Variants in EP300 observed in about 807,000 individuals in gnomAD.
EP300 encodes the protein EP300 lysine acetyltransferase.
Under a neutral mutation model 264.0 loss-of-function variants are expected in EP300, and 31 were observed. That is an observed-to-expected ratio of 0.12 (90% CI 0.09 to 0.16). EP300 has a LOEUF of 0.16. Ranked by LOEUF, EP300 falls within the 10% of genes least tolerant of loss-of-function variation. The probability of loss-of-function intolerance (pLI) is 1.00; values close to 1 mark genes in which losing one functional copy is unlikely to be tolerated. For synonymous variants in EP300, 1,340 were observed against 1,045.4 expected, an observed-to-expected ratio of 1.28 and a Z score of -5.44; for missense variants, 2,766 against 3,052.9, an observed-to-expected ratio of 0.91 and a Z score of 2.21.
chr22:41,162,699 A>G (rs780219519), intron 20 of EP300, 24 bp from the exon 21 acceptor site: 57 of 1,590,484 alleles, frequency 3.6e-5, no homozygotes, highest in Non-Finnish European at 4.7e-5. Flanking sequence ...ACTTTTTCTC[A>G]TTGTGTCCCT....
At chr22:41,152,047 G>A (rs1224249388) in intron 15 of EP300, 35 bp downstream of exon 15, 1 of 1,612,790 alleles carries the variant, frequency 6.2e-7, no homozygotes, top group South Asian at 1.1e-5. Flanking sequence ...GATTTGGTTA[G>A]GACCTCAGTA....
chr22:41,158,544 TC>T, intron 19 of EP300, 44 bp downstream of exon 19: 1 of 1,521,872 alleles, frequency 6.6e-7, no homozygotes, highest in Non-Finnish European at 9.1e-7. Flanking sequence ...TGTCCACATG[TC>T]CAGGGAGTGC....
rs886956098 is a variant in EP300, at chr22:41,179,761, C to CAAAGT, written c.*809_*813dup. On this transcript the variant is annotated 3_prime_UTR_variant, in exon 31 of 31. Transcript: ENST00000263253. ...TTTTTTTCGTTATTTTTACATCTAACAAAGTAAAAAAATTAAAAAGAGGGT... is the reference window on the plus strand; with the variant it reads ...TTTTTTTCGTTATTTTTACATCTAACAAAGTAAAGTAAAAAAATTAAAAAGAGGGT... The CAAAGT allele has an allele frequency of 7.4e-5, 17 of 228,662 alleles. No homozygotes were observed. Among genetic ancestry groups the CAAAGT allele is most frequent in the Non-Finnish European group, 1.4e-4 (16 of 115,324 alleles). 14.2% of individuals were successfully genotyped at this position (228,662 alleles called of 1,614,324 possible). A position where few individuals can be genotyped will look rare whatever the true frequency, so the allele number is the denominator to read the frequency against.
rs1273519659 is a variant in EP300 at position 41,137,680 on chromosome 22, G to A, written c.1650G>A (p.Val550=). 1 of 1,614,142 alleles carries A rather than the reference G, an allele frequency of 6.2e-7. No homozygotes were observed. Among genetic ancestry groups the A allele is most frequent in the South Asian group, 1.1e-5 (1 of 91,080 alleles). The change falls in exon 8 of 31, where the codon GTG becomes GTA. Residue 550 remains valine (V), a synonymous_variant. Coordinates refer to ENST00000263253, the MANE Select transcript of EP300 (RefSeq NM_001429.4). The part of the protein sequence containing the change: ...QNPMMSENAS[V]PSLGPMPTAA... ...CAATGATGAGTGAAAATGCCAGTGT[G>A]CCCTCCCTGGGTCCTATGCCAACAG...
At chr22:41,127,236 G>A (rs1485996847) in intron 3 of EP300, among the ~76,000 whole-genome samples, 2 of 151,900 alleles carry the variant, frequency 1.3e-5, no homozygotes, top group Non-Finnish European at 2.9e-5. Context: ...AGTTTACCAT[G>A]TCCTTCTCTC....
chr22:41,176,539 G>A lies in EP300; in HGVS notation c.5061+11G>A, dbSNP rs1345227904. 3 of 1,613,486 alleles carry A rather than the reference G, an allele frequency of 1.9e-6. No homozygotes were observed. The highest frequency in any genetic ancestry group is 2.5e-6 in the Non-Finnish European group (3 of 1,179,986). ...TGTACTGTCTGTGAGGTAGGCACCGGGTTGTGGGAAGGAGGAGGTGAGCTC... is the reference window on the plus strand; with the variant it reads ...TGTACTGTCTGTGAGGTAGGCACCGAGTTGTGGGAAGGAGGAGGTGAGCTC... On this transcript the variant is annotated intron_variant, in intron 30 of 30. Coordinates refer to ENST00000263253, the MANE Select transcript of EP300 (RefSeq NM_001429.4).
chr22:41,133,166 C>T (rs1488684776), intron 6 of EP300, among the ~76,000 whole-genome samples: 1 of 136,886 alleles, frequency 7.3e-6, no homozygotes, highest in Non-Finnish European at 1.6e-5. Context: ...CCCCCCCACC[C>T]CCACCCCGGA....
At position 41,141,034 on chromosome 22, in the gene EP300, C is replaced by A; in HGVS notation, c.1879-14C>A. 6.2e-7 allele frequency: 1 copy of A among 1,612,810 alleles called. No homozygotes were observed. The highest frequency in any genetic ancestry group is 2.2e-5 in the East Asian group (1 of 44,830). The stretch of plus-strand genomic sequence containing the variant: ...TTTCCTCATCTCCCTTATTTTACTT[C>A]AACAATTCAAAAGGCGGAATACTAC... On this transcript the variant is annotated splice_polypyrimidine_tract_variant and intron_variant, in intron 9 of 30. Coordinates refer to ENST00000263253, the MANE Select transcript of EP300 (RefSeq NM_001429.4).
intron 5 of EP300, 54 bp from the exon 6 acceptor site, chr22:41,131,334 C>T (rs1258408725): frequency 1.9e-6 from 3 of 1,586,396 alleles, no homozygotes; most frequent in African/African-American, 1.3e-5. Flanking sequence ...ACATGTTAGT[C>T]TTTTTTTTCT....
chr22:41,177,122 C>T lies in EP300; in HGVS notation c.5411C>T (p.Pro1804Leu), dbSNP rs371065099. The T allele has an allele frequency of 1.2e-6, 2 of 1,614,100 alleles. No individual in the cohort carries two copies. Among genetic ancestry groups the T allele is most frequent in the African/African-American group, 1.3e-5 (1 of 75,020 alleles). The change falls in exon 31 of 31, where the codon CCG becomes CTG. Residue 1804 changes from proline (P) to leucine (L), a missense_variant. Physicochemically the swap from Pro to Leu is moderately conservative, Grantham distance 98. Transcript: ENST00000263253. ...TGCCAGGAGAACAAATGCCCGGTGCCGTTCTGCCTAAACATCAAGCAGAAG... is the reference window on the plus strand; with the variant it reads ...TGCCAGGAGAACAAATGCCCGGTGCTGTTCTGCCTAAACATCAAGCAGAAG... ...KHCQENKCPV[P>L]FCLNIKQKLR...
Position 41,177,788 on chromosome 22 carries a change from A to T in EP300, c.6077A>T (p.Asn2026Ile). The T allele has an allele frequency of 6.2e-7, 1 of 1,614,036 alleles. No homozygotes were observed. The part of the protein sequence containing the change: ...MSVAQHGQPL[N>I]MAPQPGLGQV... ...GTGGCCCAGCATGGTCAACCTTTGA[A>T]CATGGCTCCACAACCAGGATTGGGC... Residue 2026 changes from asparagine to isoleucine, a missense_variant, in exon 31 of 31, where the codon AAC (asparagine) becomes ATC (isoleucine). By Grantham distance (149) the Asn-to-Ile change is moderately radical (BLOSUM62 -3). Coordinates refer to ENST00000263253, the MANE Select transcript of EP300 (RefSeq NM_001429.4).
intron 18 of EP300, among the ~76,000 whole-genome samples, chr22:41,157,928 CTAAT>C (rs749343882): frequency 1.2e-4 from 18 of 152,154 alleles, no homozygotes; most frequent in Admixed American, 6.5e-4. Flanking sequence ...GAAAAGTTGA[CTAAT>C]TAAATAATCA....
At chr22:41,138,019 A>C (rs556967408) in intron 8 of EP300, among the ~76,000 whole-genome samples, 1 of 152,174 alleles carries the variant, frequency 6.6e-6, no homozygotes, top group African/African-American at 2.4e-5. Context: ...TATGTGAACT[A>C]TTCTGTCTAG....
In EP300 at chr22:41,162,834, C is replaced by G. The variant is rs116241886; in HGVS notation, c.3728+55C>G. 2.2e-3 allele frequency: 3,206 copies of G among 1,477,690 alleles called. 56 individuals are homozygous for G. In the African/African-American group the frequency reaches 0.04, roughly 18 times the overall value. 91.5% of individuals were successfully genotyped at this position (1,477,690 alleles called of 1,614,324 possible). ...CGCTTTGGCTTTTCTTTTTCCCTTTCATTCTCTTGAAGTTTGCATGACCAA... is the reference window on the plus strand; with the variant it reads ...CGCTTTGGCTTTTCTTTTTCCCTTTGATTCTCTTGAAGTTTGCATGACCAA... On this transcript the variant is annotated intron_variant, in intron 21 of 30. Coordinates refer to ENST00000263253, the MANE Select transcript of EP300 (RefSeq NM_001429.4).
Position 41,117,793 on chromosome 22 carries a change from C to T in EP300, c.701C>T (p.Thr234Ile), listed in dbSNP as rs759842808. Residue 234 changes from threonine (T) to isoleucine (I), a missense_variant, in exon 2 of 31, where the codon ACA becomes ATA. Physicochemically the swap from Thr to Ile is moderately conservative, Grantham distance 89. Transcript: ENST00000263253. ...GGCTCTCCCCAGATGGGAGGACAAA[C>T]AGGATTGAGAGGCCCCCAGCCTCTT... ...QQGSPQMGGQ[T>I]GLRGPQPLKM... 4.3e-6 allele frequency: 7 copies of T among 1,614,146 alleles called. No individual in the cohort carries two copies. Among genetic ancestry groups the T allele is most frequent in the Non-Finnish European group, 3.4e-6 (4 of 1,180,036 alleles).
chr22:41,178,184 T>C lies in EP300; in HGVS notation c.6473T>C (p.Met2158Thr), dbSNP rs778354178. The stretch of plus-strand genomic sequence containing the variant: ...CCACAGCAGCAACTCCAGCCACCCA[T>C]GGGAGGGATGAGCCCCCAGGCTCAG... ...QQPQQQLQPP[M>T]GGMSPQAQQM... The change falls in exon 31 of 31, where the codon ATG (methionine) becomes ACG (threonine). Residue 2158 changes from methionine (M) to threonine (T), a missense_variant. Coordinates refer to ENST00000263253, the MANE Select transcript of EP300 (RefSeq NM_001429.4). 1.6e-5 allele frequency: 26 copies of C among 1,613,878 alleles called. No homozygotes were observed. Among genetic ancestry groups the C allele is most frequent in the Non-Finnish European group, 2.2e-5 (26 of 1,180,006 alleles).
At chr22:41,167,814 G>GGA (rs71328778) in intron 23 of EP300, among the ~76,000 whole-genome samples, 1 of 66,208 alleles carries the variant, frequency 1.5e-5, no homozygotes, top group South Asian at 7.2e-4. Flanking sequence ...GTTTGTTTTT[G>GGA]TTTTTTTTTT....
chr22:41,177,975 G>T lies in EP300; in HGVS notation c.6264G>T (p.Arg2088=). 1 of 1,614,120 alleles carries T rather than the reference G, an allele frequency of 6.2e-7. No individual in the cohort carries two copies. Among genetic ancestry groups the T allele is most frequent in the Non-Finnish European group, 8.5e-7 (1 of 1,180,004 alleles). Residue 2088 remains arginine (R), a synonymous_variant, in exon 31 of 31, where the codon CGG becomes CGT. Coordinates refer to ENST00000263253, the MANE Select transcript of EP300 (RefSeq NM_001429.4). ...TGTTGGCTGCATTCATCAAGCAGCG[G>T]GCTGCCAAGTATGCCAACTCTAATC... The part of the protein sequence containing the change: ...PQLLAAFIKQ[R]AAKYANSNPQ...
chr22:41,147,303 C>CAA (rs11306415), intron 11 of EP300, among the ~76,000 whole-genome samples: 71 of 123,132 alleles, frequency 5.8e-4, no homozygotes, highest in African/African-American at 2.3e-3. Flanking sequence ...GACTTCGTCT[C>CAA]AAAAAAAAAA....
Sources: allele counts gnomAD v4.1 joint callset (sites outside exome capture counted in the v4.1 genomes callset), GRCh38; gene constraint gnomAD v4.1.1; transcripts MANE v1.5; gene names NCBI Gene and HGNC (gene_info 2026-07-23, HGNC 2026-07-21).